Variants in CDR2 observed in about 807,000 individuals in gnomAD.
CDR2 encodes the protein cerebellar degeneration-related protein 2.
CDR2 carries 34 observed loss-of-function variants against 48.4 expected under a neutral mutation model. The observed-to-expected ratio is 0.70, with a 90% CI of 0.53 to 0.94. The LOEUF is 0.94. Ranked by LOEUF, CDR2 falls within the 40% of genes least tolerant of loss-of-function variation. The pLI is 0.00. For missense variants in CDR2, 498 were observed against 549.5 expected (o/e 0.91, Z 0.94); for synonymous variants, 240 against 219.7 (o/e 1.09, Z -0.82).
At position 22,364,915 on chromosome 16, in the gene CDR2, A is replaced by T; in HGVS notation, c.179T>A (p.Leu60Ter). 1 of 1,603,950 alleles carries T rather than the reference A, an allele frequency of 6.2e-7. No individual in the cohort carries two copies. Among genetic ancestry groups the T allele is most frequent in the Non-Finnish European group, 8.5e-7 (1 of 1,170,724 alleles). The part of the protein sequence containing the change: ...QQMYTTNQEQ[L>*]QEIEYLTKQV... ...CAAGTGAATTACCTCAATTTCCTGT[A>T]ACTGCTCCTGATTGGTTGTATACAT... Residue 60 changes from leucine to a stop codon, truncating the protein, a stop_gained, in exon 2 of 5, where the codon TTA (leucine) becomes TAA (stop). Coordinates refer to ENST00000268383, the MANE Select transcript of CDR2 (RefSeq NM_001802.2). LOFTEE classifies it high-confidence loss of function.
chr16:22,367,608 T>C (rs896827114), intron 1 of CDR2, among the ~76,000 whole-genome samples: 4 of 152,228 alleles, frequency 2.6e-5, no homozygotes, highest in Non-Finnish European at 1.5e-5. Flanking sequence ...CACTACATAA[T>C]GATTTTTAAA....
At chr16:22,368,058 C>A (rs2049054171) in intron 1 of CDR2, among the ~76,000 whole-genome samples, 1 of 151,622 alleles carries the variant, frequency 6.6e-6, no homozygotes, top group African/African-American at 2.4e-5. Flanking sequence ...TACATCTCTA[C>A]CAAAAATACA....
Position 22,349,795 on chromosome 16 carries a change from C to T in CDR2, c.247G>A (p.Val83Ile). ...LRQMNEQHAKVYEQLDVTARE... is the reference protein window; with the variant it reads ...LRQMNEQHAKIYEQLDVTARE... ...GCTGTGACGTCTAATTGTTCATAAA[C>T]CTTTGCATGTTGTTCGTTCATCTGC... The change falls in exon 3 of 5, where the codon GTT becomes ATT. Residue 83 changes from valine to isoleucine, a missense_variant. Physicochemically the swap from Val to Ile is conservative, Grantham distance 29 (BLOSUM62 3). Coordinates refer to ENST00000268383, the MANE Select transcript of CDR2 (RefSeq NM_001802.2). 2.5e-6 allele frequency: 4 copies of T among 1,614,104 alleles called. No homozygotes were observed. The highest frequency in any genetic ancestry group is 2.2e-5 in the East Asian group (1 of 44,882).
intron 2 of CDR2, 140 bp downstream of exon 2, chr16:22,364,762 C>T (rs1165232177): frequency 2.4e-5 from 13 of 549,144 alleles, no homozygotes; most frequent in Non-Finnish European, 3.3e-5. Flanking sequence ...ACTCGGGAGG[C>T]GGTTCTCATT....
intron 2 of CDR2, among the ~76,000 whole-genome samples, chr16:22,354,930 A>G (rs925087008): frequency 6.6e-6 from 1 of 152,090 alleles, no homozygotes; most frequent in African/African-American, 2.4e-5. Context: ...TATTGTGGAT[A>G]ATCTCAAACA....
rs1173771709 is a variant in CDR2, at chr16:22,374,564, C to T, written c.-255G>A. The T allele has an allele frequency of 2.1e-5, 4 of 188,272 alleles. No individual in the cohort carries two copies. The highest frequency in any genetic ancestry group is 3.2e-5 in the Non-Finnish European group (3 of 92,520). 11.7% of individuals were successfully genotyped at this position (188,272 alleles called of 1,614,324 possible). ...CGGTGCGAACGCCTGGAGCCGGAGT[C>T]TCACGCAGCCGCCAGTCTTCACGCC... is the stretch of plus-strand genomic sequence containing the variant. On this transcript the variant is annotated 5_prime_UTR_variant, in exon 1 of 5. Transcript: ENST00000268383.
intron 1 of CDR2, 193 bp from the exon 2 acceptor site, chr16:22,365,207 G>A: frequency 1.9e-6 from 1 of 514,008 alleles, no homozygotes; most frequent in Non-Finnish European, 3.5e-6. Context: ...ATTCTCTTAT[G>A]TACCCATACT....
intron 2 of CDR2, among the ~76,000 whole-genome samples, chr16:22,353,324 T>C (rs1316971430): frequency 6.6e-6 from 1 of 152,174 alleles, no homozygotes; most frequent in Non-Finnish European, 1.5e-5. Context: ...GGCAGTGGTA[T>C]AGTAGCTAAG....
At chr16:22,361,394 A>G (rs1452653518) in intron 2 of CDR2, among the ~76,000 whole-genome samples, 1 of 152,252 alleles carries the variant, frequency 6.6e-6, no homozygotes, top group East Asian at 1.9e-4. Flanking sequence ...TGAAGGTTGC[A>G]ATAAGAGGAA....
chr16:22,350,715 T>C (rs1044162693), intron 2 of CDR2, among the ~76,000 whole-genome samples: 2 of 152,212 alleles, frequency 1.3e-5, no homozygotes, highest in Non-Finnish European at 2.9e-5. Flanking sequence ...CCCAGTGCAT[T>C]GTGAGGCTAA....
chr16:22,357,276 T>C (rs2048981448), intron 2 of CDR2, among the ~76,000 whole-genome samples: 1 of 152,160 alleles, frequency 6.6e-6, no homozygotes, highest in East Asian at 1.9e-4. Context: ...CTTGAACTCC[T>C]GACCTCAGGA....
intron 2 of CDR2, among the ~76,000 whole-genome samples, chr16:22,358,695 CAAT>C (rs1175212038): frequency 6.6e-6 from 1 of 152,080 alleles, no homozygotes; most frequent in Non-Finnish European, 1.5e-5. Context: ...TGAACTTCCA[CAAT>C]AATAAAGAAA....
At chr16:22,359,173 G>T (rs947239013) in intron 2 of CDR2, among the ~76,000 whole-genome samples, 2 of 151,754 alleles carry the variant, frequency 1.3e-5, no homozygotes, top group Non-Finnish European at 2.9e-5. Flanking sequence ...TTTTGCTCAG[G>T]CTGGACTGCA....
chr16:22,374,539 C>T lies in CDR2; in HGVS notation c.-230G>A, dbSNP rs973655984. 1.5e-5 allele frequency: 3 copies of T among 204,678 alleles called. No homozygotes were observed. The highest frequency in any genetic ancestry group is 1.9e-5 in the Non-Finnish European group (2 of 103,482). The allele number at this position is 204,678 out of a possible 1,614,324, so 12.7% of individuals were successfully genotyped here. ...CGACGGCCCCAACGGCCGGGCATTA[C>T]GGTGCGAACGCCTGGAGCCGGAGTC... On this transcript the variant is annotated 5_prime_UTR_variant, in exon 1 of 5. Transcript: ENST00000268383.
At position 22,358,701 on chromosome 16, in the gene CDR2, TAAAG is replaced by T. The variant is rs550349126; in HGVS notation, c.192+6197_192+6200del. Among the ~76,000 whole-genome samples the T allele has an allele frequency of 3.5e-4, 54 of 152,284 alleles. No individual in the cohort carries two copies. In the South Asian group the frequency reaches 1.0e-2, roughly 28 times the overall value. On this transcript the variant is annotated intron_variant, in intron 2 of 4. Transcript: ENST00000268383. Reference sequence around the variant, plus strand: ...CTATCAAAATGAACTTCCACAATAATAAAGAAATATTTCCTATTACTTTTGAAAA... The same window carrying T: ...CTATCAAAATGAACTTCCACAATAATAAATATTTCCTATTACTTTTGAAAA...
At chr16:22,361,594 G>A (rs1167576222) in intron 2 of CDR2, among the ~76,000 whole-genome samples, 3 of 152,218 alleles carry the variant, frequency 2.0e-5, no homozygotes, top group African/African-American at 7.2e-5. Flanking sequence ...CCCCTGGCTG[G>A]TAAGTGGGCT....
At chr16:22,357,903 T>C (rs1567346422) in intron 2 of CDR2, among the ~76,000 whole-genome samples, 1 of 152,252 alleles carries the variant, frequency 6.6e-6, no homozygotes, top group Non-Finnish European at 1.5e-5. Context: ...TTTAGATGAC[T>C]TGGCTTTAAC....
In CDR2 at chr16:22,364,906, A is replaced by G. The variant is rs1370795647; in HGVS notation, c.188T>C (p.Ile63Thr). The G allele has an allele frequency of 1.9e-6, 3 of 1,592,916 alleles. No individual in the cohort carries two copies. The highest frequency in any genetic ancestry group is 2.2e-5 in the East Asian group (1 of 44,742). The change falls in exon 2 of 5, where the codon ATT becomes ACT. Residue 63 changes from isoleucine (I) to threonine (T), a missense_variant. Coordinates refer to ENST00000268383, the MANE Select transcript of CDR2 (RefSeq NM_001802.2). The part of the protein sequence containing the change: ...YTTNQEQLQE[I>T]EYLTKQVELL... ...CTCTCCTGCCAAGTGAATTACCTCAATTTCCTGTAACTGCTCCTGATTGGT... is the reference window on the plus strand; with the variant it reads ...CTCTCCTGCCAAGTGAATTACCTCAGTTTCCTGTAACTGCTCCTGATTGGT...
chr16:22,358,768 A>G (rs1430736279), intron 2 of CDR2, among the ~76,000 whole-genome samples: 1 of 152,170 alleles, frequency 6.6e-6, no homozygotes, highest in African/African-American at 2.4e-5. Flanking sequence ...CCCCTGTAGA[A>G]ATTTGGTGGC....
Sources: allele counts gnomAD v4.1 joint callset (sites outside exome capture counted in the v4.1 genomes callset), GRCh38; gene constraint gnomAD v4.1.1; transcripts MANE v1.5; gene names NCBI Gene and HGNC (gene_info 2026-07-23, HGNC 2026-07-21).